The following THAP1 variants were observed in gnomAD, a reference collection of about 807,000 sequenced individuals.
THAP1 encodes the protein THAP domain-containing protein 1.
A neutral mutation model predicts 18.2 loss-of-function variants in THAP1; 6 were observed. The ratio of observed to expected loss-of-function variants is 0.33; its 90% CI spans 0.18 to 0.65. The LOEUF (loss-of-function observed/expected upper bound fraction) is 0.65, where lower values mean the gene tolerates loss of function less well. Among genes scored for constraint, THAP1 ranks in the 30% least tolerant of loss-of-function variants. The probability of loss-of-function intolerance (pLI) is 0.74; values close to 1 mark genes in which losing one functional copy is unlikely to be tolerated. For missense variants in THAP1, 176 were observed against 253.0 expected, an observed-to-expected ratio of 0.70 and a Z score of 2.06; for synonymous variants, 85 against 90.5, an observed-to-expected ratio of 0.94 and a Z score of 0.34.
chr8:42,841,127 C>A lies in THAP1; in HGVS notation c.72-1746G>T, dbSNP rs151072163. Among the ~76,000 whole-genome samples, 4 of 151,872 alleles carry A rather than the reference C, an allele frequency of 2.6e-5. No individual in the cohort carries two copies. The East Asian group carries it at 7.7e-4, about 29-fold the overall frequency. On this transcript the variant is annotated intron_variant, in intron 1 of 2. Coordinates refer to ENST00000254250, the MANE Select transcript of THAP1 (RefSeq NM_018105.3). ...TGCTGGTAAAATTCAGTACCTAGGGCCTCCTGGCTCAAGGACAACAAATTT... is the reference window on the plus strand; with the variant it reads ...TGCTGGTAAAATTCAGTACCTAGGGACTCCTGGCTCAAGGACAACAAATTT...
intron 1 of THAP1, among the ~76,000 whole-genome samples, chr8:42,842,323 C>T (rs1240846083): frequency 6.6e-6 from 1 of 152,206 alleles, no homozygotes; most frequent in East Asian, 1.9e-4. Flanking sequence ...GATAAGACAG[C>T]TCTGAAAGCT....
At chr8:42,838,831 G>A (rs933151179) in intron 2 of THAP1, among the ~76,000 whole-genome samples, 5 of 152,148 alleles carry the variant, frequency 3.3e-5, no homozygotes, top group African/African-American at 1.2e-4. Context: ...TAGAGGGACG[G>A]TGCAGGAAAG....
intron 1 of THAP1, among the ~76,000 whole-genome samples, chr8:42,841,457 T>C (rs1802716323): frequency 6.6e-6 from 1 of 152,064 alleles, no homozygotes; most frequent in African/African-American, 2.4e-5. Flanking sequence ...TACGCCTGTA[T>C]TTTGTATTTT....
chr8:42,842,910 C>G, intron 1 of THAP1, 114 bp downstream of exon 1: 1 of 867,984 alleles, frequency 1.2e-6, no homozygotes, highest in Non-Finnish European at 1.5e-6. Flanking sequence ...ACGGCCGGCC[C>G]CAGACCCCAC....
Position 42,839,396 on chromosome 8 carries a change from T to G in THAP1, c.72-15A>C. On this transcript the variant is annotated splice_polypyrimidine_tract_variant and intron_variant, in intron 1 of 2. Transcript: ENST00000254250. ...TAAGAGGAAACCTAAGAAGAAGGCATAATTCAATTATCTGTCCTGATTTTT... is the reference window on the plus strand; with the variant it reads ...TAAGAGGAAACCTAAGAAGAAGGCAGAATTCAATTATCTGTCCTGATTTTT... 6.2e-7 allele frequency: 1 copy of G among 1,613,616 alleles called. No individual in the cohort carries two copies. The highest frequency in any genetic ancestry group is 2.2e-5 in the East Asian group (1 of 44,838).
Position 42,839,260 on chromosome 8 carries a change from T to C in THAP1, c.193A>G (p.Arg65Gly). 6.2e-7 allele frequency: 1 copy of C among 1,614,148 alleles called. No homozygotes were observed. The part of the protein sequence containing the change: ...SEHFTPDCFK[R>G]ECNNKLLKEN... ...TTCAGTAACTTGTTGTTGCACTCTCTCTTAAAGCAGTCTGGAGTAAAGTGC... is the reference window on the plus strand; with the variant it reads ...TTCAGTAACTTGTTGTTGCACTCTCCCTTAAAGCAGTCTGGAGTAAAGTGC... The change falls in exon 2 of 3, where the codon AGA becomes GGA. Residue 65 changes from arginine (R) to glycine (G), a missense_variant. Arg to Gly is a moderately radical substitution (Grantham distance 125). Transcript: ENST00000254250.
chr8:42,842,731 C>A (rs1802746400), intron 1 of THAP1: 1 of 174,376 alleles, frequency 5.7e-6, no homozygotes, highest in South Asian at 2.0e-4. Flanking sequence ...AAAACCCGCG[C>A]CACCCTAGGC....
intron 1 of THAP1, among the ~76,000 whole-genome samples, chr8:42,840,996 A>G (rs1802707051): frequency 6.6e-6 from 1 of 151,354 alleles, no homozygotes; most frequent in African/African-American, 2.4e-5. Flanking sequence ...AAGAAAGAAA[A>G]TCTCAACTGG....
chr8:42,841,294 CT>C (rs775435611), intron 1 of THAP1, among the ~76,000 whole-genome samples: 1,113 of 95,952 alleles, frequency 0.012, no homozygotes, highest in African/African-American at 0.035. Flanking sequence ...ACAGTTGTAT[CT>C]TTTTTTTTTT....
rs1410339964 is a variant in THAP1 at position 42,837,549 on chromosome 8, C to T, written c.*413G>A. The T allele has an allele frequency of 6.4e-6, 1 of 156,382 alleles. No homozygotes were observed. Among genetic ancestry groups the T allele is most frequent in the African/African-American group, 2.4e-5 (1 of 41,446 alleles). The allele number at this position is 156,382 out of a possible 1,614,324, so 9.7% of individuals were successfully genotyped here. A position where few individuals can be genotyped will look rare whatever the true frequency, so the allele number is the denominator to read the frequency against. ...GTTATGTCCCATGATCTGACCCATA[C>T]TTCTGATTTAAAATATAACTAAATT... On this transcript the variant is annotated 3_prime_UTR_variant, in exon 3 of 3. Coordinates refer to ENST00000254250, the MANE Select transcript of THAP1 (RefSeq NM_018105.3).
intron 1 of THAP1, 171 bp downstream of exon 1, chr8:42,842,853 G>A: frequency 6.0e-6 from 2 of 331,910 alleles, no homozygotes; most frequent in Non-Finnish European, 9.3e-6. Flanking sequence ...CCGAGAACGC[G>A]CGATCGGGCG....
chr8:42,842,289 A>C (rs554000924), intron 1 of THAP1, among the ~76,000 whole-genome samples: 5 of 152,334 alleles, frequency 3.3e-5, no homozygotes, highest in African/African-American at 1.2e-4. Flanking sequence ...TTTTGATCCT[A>C]TCACTTAACT....
intron 1 of THAP1, among the ~76,000 whole-genome samples, chr8:42,840,473 G>C (rs1162506583): frequency 6.6e-6 from 1 of 152,196 alleles, no homozygotes; most frequent in South Asian, 2.1e-4. Context: ...TCCAAGTTAA[G>C]AATTTGGTAA....
At position 42,837,401 on chromosome 8, in the gene THAP1, T is replaced by C. The variant is rs577136573; in HGVS notation, c.*561A>G. On this transcript the variant is annotated 3_prime_UTR_variant, in exon 3 of 3. Transcript: ENST00000254250. ...TGACTTTTTTCTGCTGTGATGATAA[T>C]CAAATCTTTTTTCTTAAGTACTGAC... The C allele has an allele frequency of 6.6e-6, 1 of 152,310 alleles. No individual in the cohort carries two copies. Among genetic ancestry groups the C allele is most frequent in the Non-Finnish European group, 1.5e-5 (1 of 68,042 alleles). The allele number at this position is 152,310 out of a possible 1,614,324, so 9.4% of individuals were successfully genotyped here.
chr8:42,839,405 T>A, intron 1 of THAP1, 24 bp from the exon 2 acceptor site: 2 of 1,613,062 alleles, frequency 1.2e-6, no homozygotes, highest in Non-Finnish European at 1.7e-6. Flanking sequence ...ATAATTCAAT[T>A]ATCTGTCCTG....
Position 42,837,673 on chromosome 8 carries a change from A to G in THAP1, c.*289T>C, listed in dbSNP as rs1586455972. 4 of 199,670 alleles carry G rather than the reference A, an allele frequency of 2.0e-5. No homozygotes were observed. Among genetic ancestry groups the G allele is most frequent in the East Asian group, 1.2e-4 (1 of 8,150 alleles). 12.4% of individuals were successfully genotyped at this position (199,670 alleles called of 1,614,324 possible). ...TACTTTTTATTTTTACATTATTTCTATAAATACTAAAAAAAAACCCCAAAA... is the reference window on the plus strand; with the variant it reads ...TACTTTTTATTTTTACATTATTTCTGTAAATACTAAAAAAAAACCCCAAAA... On this transcript the variant is annotated 3_prime_UTR_variant, in exon 3 of 3. Coordinates refer to ENST00000254250, the MANE Select transcript of THAP1 (RefSeq NM_018105.3).
Position 42,837,833 on chromosome 8 carries a change from T to G in THAP1, c.*129A>C. 9.6e-7 allele frequency: 1 copy of G among 1,042,144 alleles called. No individual in the cohort carries two copies. Among genetic ancestry groups the G allele is most frequent in the Non-Finnish European group, 1.3e-6 (1 of 769,012 alleles). The allele number at this position is 1,042,144 out of a possible 1,614,324, so 64.6% of individuals were successfully genotyped here. Reference sequence around the variant, plus strand: ...ATTTTACAGTATATATAGAATTTTTTTTAAAAAAATATTCTGAACTGTTTT... The same window carrying G: ...ATTTTACAGTATATATAGAATTTTTGTTAAAAAAATATTCTGAACTGTTTT... On this transcript the variant is annotated 3_prime_UTR_variant, in exon 3 of 3. Transcript: ENST00000254250.
At position 42,843,302 on chromosome 8, in the gene THAP1, C is replaced by T; in HGVS notation, c.-208G>A. 1.6e-6 allele frequency: 1 copy of T among 633,474 alleles called. No homozygotes were observed. The highest frequency in any genetic ancestry group is 2.3e-5 in the Admixed American group (1 of 42,894). 39.2% of individuals were successfully genotyped at this position (633,474 alleles called of 1,614,324 possible). A position where few individuals can be genotyped will look rare whatever the true frequency, so the allele number is the denominator to read the frequency against. ...ACCACAGCCATCGCCCGTCTCCCAT[C>T]TCCAAGATGGCGGAGGCAGCTTCAA... On this transcript the variant is annotated 5_prime_UTR_variant, in exon 1 of 3. Coordinates refer to ENST00000254250, the MANE Select transcript of THAP1 (RefSeq NM_018105.3).
intron 1 of THAP1, chr8:42,842,816 G>A (rs113408810): frequency 4.5e-6 from 1 of 223,430 alleles, no homozygotes; most frequent in Non-Finnish European, 8.1e-6. Context: ...CCAGGAGCGC[G>A]AGAAACGGCT....
Sources: gnomAD v4.1 joint callset for allele counts (sites outside exome capture counted in the v4.1 genomes callset) on GRCh38, gnomAD v4.1.1 for gene constraint, MANE v1.5 for transcripts, NCBI Gene and HGNC (gene_info 2026-07-23, HGNC 2026-07-21) for gene names.